ZNF550: variants seen among roughly 807,000 people sequenced by gnomAD.
ZNF550 encodes the protein zinc finger protein 550.
A neutral mutation model predicts 40.2 loss-of-function variants in ZNF550; 42 were observed. The ratio of observed to expected loss-of-function variants is 1.05; its 90% confidence interval spans 0.82 to 1.35. The LOEUF is 1.35. Among genes scored for constraint, ZNF550 ranks in the 40% most tolerant of loss-of-function variants. The pLI, the probability that ZNF550 is intolerant of heterozygous loss-of-function variation, is 0.00. For synonymous variants in ZNF550, 223 were observed against 198.6 expected (o/e 1.12, Z -1.03); for missense variants, 549 against 525.2 (o/e 1.05, Z -0.44).
At chr19:57,557,875 C>T (rs1287150519) in intron 1 of ZNF550, among the ~76,000 whole-genome samples, 3 of 152,240 alleles carry the variant, frequency 2.0e-5, no homozygotes, top group African/African-American at 7.2e-5. Context: ...AACACAATAA[C>T]TATTCCCATC....
chr19:57,556,352 C>T, exon 2 of ZNF550: 1 of 1,612,796 alleles, frequency 6.2e-7, no homozygotes, highest in Non-Finnish European at 8.5e-7. Context: ...TGAAGGTCAC[C>T]AACATCTGGA....
At chr19:57,544,184 A>G in intron 4 of ZNF550, 5 of 985,498 alleles carry the variant, frequency 5.1e-6, no homozygotes, top group Non-Finnish European at 6.0e-6. Flanking sequence ...AAGTATGACC[A>G]CAACAGTGAG....
chr19:57,543,552 T>C (rs2089980152), intron 4 of ZNF550: 2 of 948,356 alleles, frequency 2.1e-6, no homozygotes, highest in African/African-American at 3.5e-5. Context: ...CCACAATCAT[T>C]TCTCACAGAT....
intron 1 of ZNF550, among the ~76,000 whole-genome samples, chr19:57,558,286 C>G (rs1472603608): frequency 6.6e-6 from 1 of 152,148 alleles, no homozygotes; most frequent in Non-Finnish European, 1.5e-5. Context: ...AAGAGCTTGG[C>G]AAGCTCAGGA....
chr19:57,556,794 A>C (rs182731245), intron 1 of ZNF550: 1 of 182,350 alleles, frequency 5.5e-6, no homozygotes, highest in African/African-American at 2.4e-5. Flanking sequence ...ATCTGTACTA[A>C]GAAAAATTCT....
chr19:57,551,010 T>A (rs2090067833), intron 3 of ZNF550, among the ~76,000 whole-genome samples: 1 of 152,174 alleles, frequency 6.6e-6, no homozygotes, highest in Non-Finnish European at 1.5e-5. Flanking sequence ...TTTCTGGTTT[T>A]GTATTGTGCA....
At chr19:57,544,400 A>AC in intron 4 of ZNF550, 1 of 985,340 alleles carries the variant, frequency 1.0e-6, no homozygotes, top group Non-Finnish European at 1.2e-6. Flanking sequence ...CCTGGAAAGA[A>AC]CCCTTTGATG....
chr19:57,556,328 C>G, exon 2 of ZNF550: 3 of 1,614,012 alleles, frequency 1.9e-6, no homozygotes, highest in Non-Finnish European at 2.5e-6. Flanking sequence ...GGGTAAAGGT[C>G]ACAGCCACAT....
chr19:57,543,472 T>A (rs1019366289), intron 4 of ZNF550: 3 of 387,124 alleles, frequency 7.7e-6, no homozygotes, highest in Non-Finnish European at 1.1e-5. Context: ...TAATTTACCG[T>A]CCACATTTCC....
intron 2 of ZNF550, chr19:57,555,747 A>C (rs1336897166): frequency 5.1e-6 from 1 of 196,986 alleles, no homozygotes; most frequent in Non-Finnish European, 1.0e-5. Flanking sequence ...TACCCTCTAA[A>C]AACACCTCCT....
At chr19:57,559,635 G>A (rs2090152959) in intron 1 of ZNF550, 21 bp downstream of exon 1, 3 of 1,476,940 alleles carry the variant, frequency 2.0e-6, no homozygotes, top group African/African-American at 1.4e-5. Context: ...TGGCCGCGGG[G>A]AGCCGAGCCA....
At chr19:57,547,001 G>A in exon 4 of ZNF550, 1 of 1,612,684 alleles carries the variant, frequency 6.2e-7, no homozygotes, top group Non-Finnish European at 8.5e-7. Context: ...TGGTGCTGCA[G>A]AAGGTGTGAC....
intron 2 of ZNF550, chr19:57,553,872 T>C (rs1042002943): frequency 6.6e-5 from 10 of 152,084 alleles, no homozygotes; most frequent in South Asian, 2.1e-4. Flanking sequence ...GGTGCCCAGA[T>C]GGGGCTGCAA....
At chr19:57,543,820 C>T (rs2089983475) in intron 4 of ZNF550, 1 of 442,892 alleles carries the variant, frequency 2.3e-6, no homozygotes, top group Admixed American at 6.4e-5. Flanking sequence ...CGCCTGTAAT[C>T]CCAGCTACTC....
intron 1 of ZNF550, among the ~76,000 whole-genome samples, chr19:57,559,272 G>A (rs2188922): frequency 0.99 from 150,521 of 152,226 alleles, 74,432 homozygotes; most frequent in Middle Eastern, 1. Flanking sequence ...CCCGGGGGGG[G>A]GAAGAGTAAA....
chr19:57,552,832 C>T, intron 2 of ZNF550, 110 bp from the exon 3 acceptor site: 1 of 720,476 alleles, frequency 1.4e-6, no homozygotes, highest in Non-Finnish European at 2.3e-6. Flanking sequence ...CAGCTGCTCC[C>T]AAAGTAAGCA....
At chr19:57,543,603 C>T (rs774407007) in intron 4 of ZNF550, 9 of 985,008 alleles carry the variant, frequency 9.1e-6, no homozygotes, top group African/African-American at 1.7e-5. Context: ...CTAATTTGTT[C>T]ATTAAATGTA....
At chr19:57,547,677 T>C (rs1445417312) in exon 4 of ZNF550, 3 of 1,614,222 alleles carry the variant, frequency 1.9e-6, no homozygotes, top group East Asian at 2.2e-5. Flanking sequence ...CTTTCCCTGG[T>C]TGCTGTGAGT....
exon 1 of ZNF550, chr19:57,559,793 C>G (rs2090155479): frequency 9.9e-6 from 10 of 1,006,572 alleles, no homozygotes; most frequent in Non-Finnish European, 1.3e-5. Flanking sequence ...CCATCCTTCC[C>G]AGCACAGTTC....
Sources: gnomAD v4.1 joint callset for allele counts (sites outside exome capture counted in the v4.1 genomes callset) on GRCh38, gnomAD v4.1.1 for gene constraint, MANE v1.5 for transcripts, NCBI Gene and HGNC (gene_info 2026-07-23, HGNC 2026-07-21) for gene names.